DNAH14: variants seen among roughly 807,000 people sequenced by gnomAD.
DNAH14 encodes the protein axonemal beta dynein heavy chain 14.
In DNAH14, 478 loss-of-function variants were observed where a neutral mutation model predicts 520.9. That is an observed-to-expected ratio of 0.92 (90% confidence interval 0.85 to 0.99). The LOEUF (loss-of-function observed/expected upper bound fraction) is 0.99, where lower values mean the gene tolerates loss of function less well. Ranked by LOEUF, DNAH14 falls within the 50% of genes least tolerant of loss-of-function variation. The pLI is 0.00. For missense variants in DNAH14, 4,831 were observed against 5,234.5 expected (o/e 0.92, Z 2.38); for synonymous variants, 1,581 against 1,757.2 (o/e 0.90, Z 2.51).
At chr1:224,941,530 C>A (rs373049853) in intron 1 of DNAH14, among the ~76,000 whole-genome samples, 3 of 152,094 alleles carry the variant, frequency 2.0e-5, no homozygotes, top group Non-Finnish European at 4.4e-5. Flanking sequence ...TTAATTAGAT[C>A]CCATTTGTCA....
intron 42 of DNAH14, among the ~76,000 whole-genome samples, chr1:225,238,767 G>A (rs2091777746): frequency 6.6e-6 from 1 of 151,924 alleles, no homozygotes; most frequent in Non-Finnish European, 1.5e-5. Flanking sequence ...ACCTCCAGGA[G>A]CTCCATCCCA....
At chr1:225,076,097 G>A (rs139574283) in intron 17 of DNAH14, among the ~76,000 whole-genome samples, 3 of 152,338 alleles carry the variant, frequency 2.0e-5, no homozygotes, top group Non-Finnish European at 2.9e-5. Context: ...ACTACCAAGG[G>A]TAGTGTGGTG....
intron 10 of DNAH14, among the ~76,000 whole-genome samples, chr1:225,021,812 C>A (rs984095015): frequency 1.3e-5 from 2 of 151,974 alleles, no homozygotes; most frequent in Non-Finnish European, 2.9e-5. Flanking sequence ...AACCAAAGAA[C>A]CTGAATTGCC....
chr1:225,381,233 T>G, intron 80 of DNAH14, 150 bp from the exon 81 acceptor site: 2 of 748,996 alleles, frequency 2.7e-6, no homozygotes. Flanking sequence ...TACCCTAAAA[T>G]GTTTGCTATC....
At chr1:225,317,061 T>C (rs993443143) in intron 60 of DNAH14, among the ~76,000 whole-genome samples, 3 of 152,226 alleles carry the variant, frequency 2.0e-5, no homozygotes, top group African/African-American at 7.2e-5. Context: ...TTTTCGAGGT[T>C]CTTATGCAGT....
intron 42 of DNAH14, among the ~76,000 whole-genome samples, chr1:225,236,655 T>C (rs1368689182): frequency 6.6e-6 from 1 of 152,194 alleles, no homozygotes; most frequent in Non-Finnish European, 1.5e-5. Flanking sequence ...TGGGTGCACA[T>C]ATATTTAGGA....
At position 225,352,025 on chromosome 1, in the gene DNAH14, T is replaced by G. The variant is rs1046643679; in HGVS notation, c.11533+142T>G. On this transcript the variant is annotated intron_variant, in intron 72 of 85. Coordinates refer to ENST00000682510, the MANE Select transcript of DNAH14 (RefSeq NM_001367479.1). ...AACTACATTTTCAGCATGCACATGTTATTCATTATAATCCTCATAACAATC... is the reference window on the plus strand; with the variant it reads ...AACTACATTTTCAGCATGCACATGTGATTCATTATAATCCTCATAACAATC... 1.5e-5 allele frequency: 10 copies of G among 647,724 alleles called. No homozygotes were observed. In the African/African-American group the frequency reaches 1.8e-4, roughly 12 times the overall value. The allele number at this position is 647,724 out of a possible 1,614,324, so 40.1% of individuals were successfully genotyped here.
chr1:225,291,447 T>G (rs1351150140), intron 55 of DNAH14, among the ~76,000 whole-genome samples: 1 of 152,010 alleles, frequency 6.6e-6, no homozygotes, highest in Non-Finnish European at 1.5e-5. Context: ...GACAGAGTAT[T>G]CCTCTGTCAC....
At chr1:225,215,113 G>A (rs2089100998) in intron 41 of DNAH14, among the ~76,000 whole-genome samples, 1 of 152,086 alleles carries the variant, frequency 6.6e-6, no homozygotes. Flanking sequence ...TTGAGTCTTT[G>A]TTCTCATTGG....
chr1:225,126,596 CT>C (rs1308709246), intron 27 of DNAH14, among the ~76,000 whole-genome samples: 1 of 152,076 alleles, frequency 6.6e-6, no homozygotes, highest in African/African-American at 2.4e-5. Flanking sequence ...ATTCTTCTCT[CT>C]TTTTTTCTTT....
intron 25 of DNAH14, among the ~76,000 whole-genome samples, chr1:225,118,716 C>T (rs1214892335): frequency 1.3e-5 from 2 of 151,866 alleles, no homozygotes; most frequent in African/African-American, 2.4e-5. Context: ...AACCCTATCT[C>T]TACTAAAAAT....
intron 80 of DNAH14, 72 bp downstream of exon 80, chr1:225,380,394 G>C: frequency 6.9e-7 from 1 of 1,441,052 alleles, no homozygotes; most frequent in East Asian, 2.6e-5. Flanking sequence ...TCAGGAGTAA[G>C]GTAAAGATAA....
intron 56 of DNAH14, among the ~76,000 whole-genome samples, chr1:225,301,257 A>G (rs2094134060): frequency 6.6e-6 from 1 of 152,072 alleles, no homozygotes; most frequent in Non-Finnish European, 1.5e-5. Context: ...AAAAAATAAT[A>G]CCAGCTGGAG....
rs985691740 is a variant in DNAH14 at position 225,043,043 on chromosome 1, C to G, written c.1697C>G (p.Ser566Ter). 7.1e-6 allele frequency: 11 copies of G among 1,551,436 alleles called. No homozygotes were observed. In the South Asian group the frequency reaches 1.3e-4, roughly 18 times the overall value. The change falls in exon 13 of 86, where the codon TCA becomes TGA. Residue 566 changes from serine to a stop codon, truncating the protein, a stop_gained. Coordinates refer to ENST00000682510, the MANE Select transcript of DNAH14 (RefSeq NM_001367479.1). LOFTEE classifies it high-confidence loss of function. ...AAAGACAATTGTGTCAAAAAACACT[C>G]AAGTGAAGAATTGCTCCCAAAAGCC... Reference protein sequence around the residue: ...ENKDNCVKKHSSEELLPKAKK... With the variant: ...ENKDNCVKKH
At chr1:225,322,877 A>G in intron 62 of DNAH14, 54 bp downstream of exon 62, 1 of 1,419,310 alleles carries the variant, frequency 7.0e-7, no homozygotes, top group Non-Finnish European at 9.5e-7. Context: ...TGTGGGATCA[A>G]ACAGACCACC....
chr1:225,207,687 C>G (rs1212002634), intron 41 of DNAH14, among the ~76,000 whole-genome samples: 2 of 152,148 alleles, frequency 1.3e-5, no homozygotes, highest in Non-Finnish European at 2.9e-5. Flanking sequence ...TCCCTACATT[C>G]AAATACTGGT....
intron 36 of DNAH14, among the ~76,000 whole-genome samples, chr1:225,171,834 T>G (rs1206751641): frequency 2.6e-5 from 4 of 152,142 alleles, no homozygotes; most frequent in Admixed American, 6.6e-5. Flanking sequence ...TTTAGACCAG[T>G]ATCCCTGATG....
chr1:225,371,854 C>T (rs1256344323), intron 77 of DNAH14, among the ~76,000 whole-genome samples: 1 of 152,066 alleles, frequency 6.6e-6, no homozygotes, highest in African/African-American at 2.4e-5. Flanking sequence ...TAACAAGAAA[C>T]ATATGGGTCC....
chr1:225,007,058 T>C (rs929312332), intron 9 of DNAH14, among the ~76,000 whole-genome samples: 6 of 152,228 alleles, frequency 3.9e-5, no homozygotes, highest in Admixed American at 2.6e-4. Flanking sequence ...GTATTTTATC[T>C]TTGTGTTTTA....
Sources: allele counts gnomAD v4.1 joint callset (sites outside exome capture counted in the v4.1 genomes callset), GRCh38; gene constraint gnomAD v4.1.1; transcripts MANE v1.5; gene names NCBI Gene and HGNC (gene_info 2026-07-23, HGNC 2026-07-21).